Variants in TMEM132C observed in about 807,000 individuals in gnomAD.
TMEM132C encodes the protein protein phosphatase 1, regulatory subunit 152.
Under a neutral mutation model 61.4 loss-of-function variants are expected in TMEM132C, and 29 were observed. The ratio of observed to expected loss-of-function variants is 0.47; its 90% CI spans 0.35 to 0.64. The LOEUF (loss-of-function observed/expected upper bound fraction) is 0.64. TMEM132C is among the 30% of genes least tolerant of loss of function. The probability of loss-of-function intolerance (pLI) is 0.00; values close to 1 mark genes in which losing one functional copy is unlikely to be tolerated. For missense variants in TMEM132C, 1,408 were observed against 1,476.9 expected, an observed-to-expected ratio of 0.95 and a Z score of 0.76; for synonymous variants, 656 against 633.1, an observed-to-expected ratio of 1.04 and a Z score of -0.54.
intron 2 of TMEM132C, among the ~76,000 whole-genome samples, chr12:128,441,984 G>C (rs1869805141): frequency 3.3e-5 from 5 of 152,190 alleles, no homozygotes; most frequent in Admixed American, 2.6e-4. Flanking sequence ...CTGGGTGACA[G>C]AGCAAGACTC....
At chr12:128,333,348 A>G (rs187932159) in intron 1 of TMEM132C, among the ~76,000 whole-genome samples, 1 of 151,742 alleles carries the variant, frequency 6.6e-6, no homozygotes, top group African/African-American at 2.4e-5. Flanking sequence ...TATGTGTGTA[A>G]GTGTTACTTG....
chr12:128,510,024 G>A (rs972479100), intron 2 of TMEM132C, among the ~76,000 whole-genome samples: 2 of 152,148 alleles, frequency 1.3e-5, no homozygotes, highest in Non-Finnish European at 2.9e-5. Flanking sequence ...AGTTTATGAT[G>A]CAGAAAGGTT....
chr12:128,275,457 G>C (rs1445871667), intron 1 of TMEM132C, among the ~76,000 whole-genome samples: 1 of 152,090 alleles, frequency 6.6e-6, no homozygotes, highest in African/African-American at 2.4e-5. Flanking sequence ...CCCCAAGATG[G>C]GATGGTCTAG....
chr12:128,275,195 C>T (rs932246841), intron 1 of TMEM132C, among the ~76,000 whole-genome samples: 5 of 152,136 alleles, frequency 3.3e-5, no homozygotes, highest in South Asian at 2.1e-4. Context: ...GGTACTGGTC[C>T]GTGGCCTATT....
chr12:128,314,189 T>C (rs1444021891), intron 1 of TMEM132C, among the ~76,000 whole-genome samples: 2 of 152,228 alleles, frequency 1.3e-5, no homozygotes, highest in African/African-American at 4.8e-5. Flanking sequence ...TCACTTATTG[T>C]TGGAGCCAAA....
intron 3 of TMEM132C, among the ~76,000 whole-genome samples, chr12:128,605,703 A>G (rs933771562): frequency 1.3e-5 from 2 of 152,172 alleles, no homozygotes; most frequent in African/African-American, 4.8e-5. Flanking sequence ...GGACAGCTTC[A>G]TGCATGAGGC....
At chr12:128,704,249 A>AT (rs1446728214) in intron 8 of TMEM132C, among the ~76,000 whole-genome samples, 13 of 151,786 alleles carry the variant, frequency 8.6e-5, no homozygotes, top group South Asian at 8.3e-4. Context: ...CATAAAGTCA[A>AT]TTTTTTTTTA....
At chr12:128,470,593 C>G (rs1162035389) in intron 2 of TMEM132C, among the ~76,000 whole-genome samples, 2 of 152,142 alleles carry the variant, frequency 1.3e-5, no homozygotes, top group South Asian at 4.1e-4. Flanking sequence ...CAATCACATA[C>G]ACACTAAAGA....
At chr12:128,275,431 A>G (rs1044780799) in intron 1 of TMEM132C, among the ~76,000 whole-genome samples, 1 of 152,152 alleles carries the variant, frequency 6.6e-6, no homozygotes, top group African/African-American at 2.4e-5. Flanking sequence ...ATGATCTGTC[A>G]CTGTCCACCA....
chr12:128,285,626 G>A (rs904264340), intron 1 of TMEM132C, among the ~76,000 whole-genome samples: 3 of 148,502 alleles, frequency 2.0e-5, no homozygotes, highest in African/African-American at 5.1e-5. Context: ...AGGGCGTCAA[G>A]GACATATTCA....
intron 1 of TMEM132C, among the ~76,000 whole-genome samples, chr12:128,279,453 A>G (rs1312871060): frequency 6.6e-6 from 1 of 152,132 alleles, no homozygotes; most frequent in African/African-American, 2.4e-5. Context: ...CAAATTCTCT[A>G]GTGTCTCCCA....
At chr12:128,551,666 T>C (rs1874179960) in intron 3 of TMEM132C, among the ~76,000 whole-genome samples, 1 of 152,160 alleles carries the variant, frequency 6.6e-6, no homozygotes, top group Admixed American at 6.5e-5. Flanking sequence ...GAAAAGCACA[T>C]AGAGAGCGTG....
intron 3 of TMEM132C, among the ~76,000 whole-genome samples, chr12:128,586,946 G>A (rs1275783449): frequency 6.6e-6 from 1 of 152,198 alleles, no homozygotes; most frequent in Non-Finnish European, 1.5e-5. Flanking sequence ...ACAGAGCCAA[G>A]GACCTGGAAA....
In TMEM132C at chr12:128,534,073, T is replaced by C. The variant is rs910277105; in HGVS notation, c.975-9884T>C. ...AAGAAGATTGTAGCTGACCATGAGATAGATGGTTTGCAGGGTGGAAATTAG... is the reference window on the plus strand; with the variant it reads ...AAGAAGATTGTAGCTGACCATGAGACAGATGGTTTGCAGGGTGGAAATTAG... On this transcript the variant is annotated intron_variant, in intron 2 of 8. Transcript: ENST00000435159. 6.6e-5 allele frequency among the ~76,000 whole-genome samples: 10 copies of C among 152,162 alleles called. 1 individual carries two copies. The highest frequency in any genetic ancestry group is 1.5e-4 in the Non-Finnish European group (10 of 68,036).
intron 4 of TMEM132C, among the ~76,000 whole-genome samples, chr12:128,655,209 G>T (rs1374814702): frequency 6.6e-6 from 1 of 152,180 alleles, no homozygotes; most frequent in Non-Finnish European, 1.5e-5. Flanking sequence ...CAAGCCGGCG[G>T]TAACAGGGTT....
chr12:128,506,121 C>T (rs1204385909), intron 2 of TMEM132C, among the ~76,000 whole-genome samples: 1 of 152,196 alleles, frequency 6.6e-6, no homozygotes, highest in Non-Finnish European at 1.5e-5. Context: ...CAGGACCCAA[C>T]CTCGCCGTCA....
At chr12:128,378,328 G>A (rs1032774835) in intron 1 of TMEM132C, among the ~76,000 whole-genome samples, 19 of 152,146 alleles carry the variant, frequency 1.2e-4, no homozygotes, top group South Asian at 6.2e-4. Context: ...ATGTTAGCCA[G>A]GATGGTCTCG....
chr12:128,363,525 G>A, intron 1 of TMEM132C, among the ~76,000 whole-genome samples: 1 of 152,134 alleles, frequency 6.6e-6, no homozygotes, highest in South Asian at 2.1e-4. Flanking sequence ...CAGCCACTCT[G>A]CCCTGCACAG....
At chr12:128,301,925 G>A (rs1032431088) in intron 1 of TMEM132C, among the ~76,000 whole-genome samples, 2 of 152,164 alleles carry the variant, frequency 1.3e-5, no homozygotes, top group Admixed American at 6.5e-5. Context: ...AGAAATGAGA[G>A]CCAAGTGAAA....
Sources: gnomAD v4.1 joint callset for allele counts (sites outside exome capture counted in the v4.1 genomes callset) on GRCh38, gnomAD v4.1.1 for gene constraint, MANE v1.5 for transcripts, NCBI Gene and HGNC (gene_info 2026-07-23, HGNC 2026-07-21) for gene names.